AFG2A: variants seen among roughly 807,000 people sequenced by gnomAD.
The protein encoded by AFG2A is ATPase family gene 2 protein homolog A.
the AFG2A span, among the ~76,000 whole-genome samples, chr4:123,272,740 A>T: frequency 6.6e-6 from 1 of 152,100 alleles, no homozygotes; most frequent in Non-Finnish European, 1.5e-5. Flanking sequence ...CAAAAACTAG[A>T]TCGTAGAGAA....
the AFG2A span, among the ~76,000 whole-genome samples, chr4:123,158,082 T>C: frequency 6.6e-6 from 1 of 152,138 alleles, no homozygotes; most frequent in Admixed American, 6.5e-5. Flanking sequence ...ATTACTAGGG[T>C]AGTGAGCCTC....
chr4:123,226,161 G>A, the AFG2A span, among the ~76,000 whole-genome samples: 5 of 152,194 alleles, frequency 3.3e-5, no homozygotes, highest in South Asian at 6.2e-4. Context: ...CTGCAAACAG[G>A]GACAATTTGA....
chr4:123,276,992 A>G, the AFG2A span, among the ~76,000 whole-genome samples: 1 of 152,092 alleles, frequency 6.6e-6, no homozygotes, highest in Non-Finnish European at 1.5e-5. Flanking sequence ...ATGAATTTTA[A>G]AATAGTTTTT....
At chr4:122,977,661 G>C in the AFG2A span, among the ~76,000 whole-genome samples, 1 of 152,240 alleles carries the variant, frequency 6.6e-6, no homozygotes, top group African/African-American at 2.4e-5. Flanking sequence ...AGTCCTGTTT[G>C]TGTTACAGCT....
the AFG2A span, among the ~76,000 whole-genome samples, chr4:123,088,784 G>C: frequency 0.73 from 110,774 of 152,012 alleles, 40,937 homozygotes; most frequent in East Asian, 0.97. Context: ...AGCCATAATT[G>C]TTAGTTTCCT....
chr4:123,045,262 A>G, the AFG2A span, among the ~76,000 whole-genome samples: 1 of 152,190 alleles, frequency 6.6e-6, no homozygotes, highest in Non-Finnish European at 1.5e-5. Flanking sequence ...AACCATTTGA[A>G]TTTAGTTGCT....
the AFG2A span, among the ~76,000 whole-genome samples, chr4:123,123,585 A>G: frequency 1.3e-5 from 2 of 152,080 alleles, no homozygotes; most frequent in Non-Finnish European, 2.9e-5. Flanking sequence ...ATCACTGGCC[A>G]TCAGAGAAAT....
chr4:123,068,008 T>C, the AFG2A span, among the ~76,000 whole-genome samples: 1 of 152,160 alleles, frequency 6.6e-6, no homozygotes, highest in East Asian at 1.9e-4. Flanking sequence ...TGAATAGGAA[T>C]AATTTGGAAA....
At chr4:123,270,001 G>C in the AFG2A span, among the ~76,000 whole-genome samples, 1 of 152,132 alleles carries the variant, frequency 6.6e-6, no homozygotes, top group African/African-American at 2.4e-5. Context: ...TATTTTAGTA[G>C]AGATGTGGTT....
chr4:123,305,140 G>C, the AFG2A span, among the ~76,000 whole-genome samples: 6 of 152,174 alleles, frequency 3.9e-5, no homozygotes, highest in Admixed American at 2.6e-4. Flanking sequence ...CCCTGTGCCT[G>C]CCAGAAGTGT....
chr4:123,172,325 G>A, the AFG2A span, among the ~76,000 whole-genome samples: 1 of 152,208 alleles, frequency 6.6e-6, no homozygotes, highest in Non-Finnish European at 1.5e-5. Context: ...TAATGTAGTA[G>A]TTGAGACCAT....
chr4:123,248,797 A>C, the AFG2A span, among the ~76,000 whole-genome samples: 1 of 152,198 alleles, frequency 6.6e-6, no homozygotes, highest in Non-Finnish European at 1.5e-5. Flanking sequence ...CTCGTAGCTC[A>C]TTGTTCCATT....
At chr4:123,236,269 T>G in the AFG2A span, among the ~76,000 whole-genome samples, 3 of 152,230 alleles carry the variant, frequency 2.0e-5, no homozygotes, top group Non-Finnish European at 4.4e-5. Context: ...TAGCTACATA[T>G]ACATTCCAAC....
chr4:123,032,705 C>T, the AFG2A span, among the ~76,000 whole-genome samples: 7 of 152,352 alleles, frequency 4.6e-5, no homozygotes, highest in Admixed American at 2.0e-4. Context: ...TAAGCCACCA[C>T]GCCAGGCCCA....
At chr4:123,316,156 T>C in the AFG2A span, 2 of 152,160 alleles carry the variant, frequency 1.3e-5, no homozygotes, top group Non-Finnish European at 2.9e-5. Context: ...AAATATCAGA[T>C]TTTCAAGACA....
At chr4:123,117,440 A>G in the AFG2A span, among the ~76,000 whole-genome samples, 36 of 149,840 alleles carry the variant, frequency 2.4e-4, no homozygotes, top group Non-Finnish European at 4.7e-4. Flanking sequence ...AACCTGGCAT[A>G]CTGATAGTAC....
the AFG2A span, among the ~76,000 whole-genome samples, chr4:123,165,912 C>T: frequency 6.6e-6 from 1 of 152,186 alleles, no homozygotes; most frequent in East Asian, 1.9e-4. Context: ...CAAGATTGAA[C>T]TACTGCCTTA....
the AFG2A span, among the ~76,000 whole-genome samples, chr4:123,307,191 G>C: frequency 5.3e-5 from 8 of 152,056 alleles, no homozygotes; most frequent in Non-Finnish European, 8.8e-5. Flanking sequence ...TTGTTTTTTA[G>C]AGACAGAGTC....
At chr4:123,266,467 G>C in the AFG2A span, among the ~76,000 whole-genome samples, 2 of 151,728 alleles carry the variant, frequency 1.3e-5, no homozygotes, top group Non-Finnish European at 1.5e-5. Flanking sequence ...TCTACAATTT[G>C]CCTAATTTTT....
Sources: gnomAD v4.1 joint callset for allele counts (sites outside exome capture counted in the v4.1 genomes callset) on GRCh38, gnomAD v4.1.1 for gene constraint, MANE v1.5 for transcripts, NCBI Gene and HGNC (gene_info 2026-07-23, HGNC 2026-07-21) for gene names.